Variants in EML2 observed in about 807,000 individuals in gnomAD.
The protein encoded by EML2 is EMAP like 2.
In EML2, 59 loss-of-function variants were observed where a neutral mutation model predicts 84.7. That is an observed-to-expected ratio of 0.70 (90% confidence interval 0.56 to 0.86). The LOEUF is 0.86. Among genes scored for constraint, EML2 ranks in the 40% least tolerant of loss-of-function variants. The probability of loss-of-function intolerance (pLI) is 0.00; values close to 1 mark genes in which losing one functional copy is unlikely to be tolerated. For synonymous variants in EML2, 352 were observed against 348.9 expected (o/e 1.01, Z -0.10); for missense variants, 818 against 855.6 (o/e 0.96, Z 0.55).
At chr19:45,642,601 G>C (rs1974655968), upstream of EML2, 3 of 1,181,578 alleles carry the variant, frequency 2.5e-6, no homozygotes, top group African/African-American at 1.6e-5. Context: ...CCTTGGGGAA[G>C]TCCCTTCCCT....
rs1389722504 is a variant in EML2, at chr19:45,614,775, C to G, written c.1598-75G>C. 6 of 1,262,918 alleles carry G rather than the reference C, an allele frequency of 4.8e-6. No homozygotes were observed. In the Admixed American group the frequency reaches 6.8e-5, roughly 14 times the overall value. The allele number at this position is 1,262,918 out of a possible 1,614,324, so 78.2% of individuals were successfully genotyped here. ...TAAACCCATCCCTTTCTTAGACAAT[C>G]GGAGCTGAGGTCCAAGACAGAGGAG... On this transcript the variant is annotated intron_variant, in intron 16 of 18. Coordinates refer to ENST00000245925, the MANE Select transcript of EML2 (RefSeq NM_012155.4).
At chr19:45,623,804 G>A (rs1971999730) in intron 9 of EML2, among the ~76,000 whole-genome samples, 1 of 152,146 alleles carries the variant, frequency 6.6e-6, no homozygotes. Context: ...GCCTGCCTCG[G>A]CTTCCCAAAG....
chr19:45,634,528 T>G, intron 3 of EML2, 57 bp from the exon 4 acceptor site: 1 of 1,247,594 alleles, frequency 8.0e-7, no homozygotes, highest in Non-Finnish European at 1.0e-6. Flanking sequence ...GTTTGTTTGT[T>G]TTGTTTTTAT....
chr19:45,618,351 A>G (rs2122641205), intron 12 of EML2, among the ~76,000 whole-genome samples: 1 of 151,974 alleles, frequency 6.6e-6, no homozygotes, highest in African/African-American at 2.4e-5. Flanking sequence ...CTGGGATTAC[A>G]GGTGTCAGCC....
At chr19:45,622,414 C>CTTTGT (rs887802246) in intron 9 of EML2, among the ~76,000 whole-genome samples, 20 of 152,062 alleles carry the variant, frequency 1.3e-4, no homozygotes, top group East Asian at 5.8e-4. Flanking sequence ...TTTTGTTTTG[C>CTTTGT]TTTGTTTTGT....
At chr19:45,644,227 G>A (rs1030801993), upstream of EML2, among the ~76,000 whole-genome samples, 1 of 152,168 alleles carries the variant, frequency 6.6e-6, no homozygotes, top group African/African-American at 2.4e-5. Context: ...TCTAGTAGTT[G>A]TAGTAGCATA....
In EML2 at chr19:45,630,003, T is replaced by C; in HGVS notation, c.554A>G (p.His185Arg). 1 of 1,611,736 alleles carries C rather than the reference T, an allele frequency of 6.2e-7. No homozygotes were observed. The highest frequency in any genetic ancestry group is 8.5e-7 in the Non-Finnish European group (1 of 1,179,276). Residue 185 changes from histidine (H) to arginine (R), a missense_variant, in exon 7 of 19, where the codon CAC becomes CGC. Coordinates refer to ENST00000245925, the MANE Select transcript of EML2 (RefSeq NM_012155.4). The stretch of plus-strand genomic sequence containing the variant: ...GGCCCAGTCCCACACCGAGAGCATG[T>C]GATCATTGGATTCATCCACTGCACA... ...LLCAVDESND[H>R]MLSVWDWAKE...
upstream of EML2, chr19:45,643,802 AGC>A: frequency 6.9e-7 from 1 of 1,453,086 alleles, no homozygotes; most frequent in Non-Finnish European, 9.1e-7. Flanking sequence ...CCCCCCACTC[AGC>A]GCCTCCCAGG....
intron 3 of EML2, among the ~76,000 whole-genome samples, chr19:45,636,459 C>G (rs1973738266): frequency 6.6e-6 from 1 of 152,072 alleles, no homozygotes; most frequent in Non-Finnish European, 1.5e-5. Flanking sequence ...TGTATCTCCT[C>G]CTCCAGGAAG....
At chr19:45,645,444 T>A, upstream of EML2, 1 of 1,422,884 alleles carries the variant, frequency 7.0e-7, no homozygotes, top group South Asian at 1.5e-5. Flanking sequence ...CGTTCCAGCA[T>A]CCCCAGCTCA....
rs753921524 is a variant in EML2 at position 45,629,990 on chromosome 19, C to T, written c.567G>A (p.Val189=). ...VDESNDHMLS[V]WDWAKETKVV... is the part of the protein sequence containing the mutation. Reference sequence around the variant, plus strand: ...CCTTGGTCTCCTTGGCCCAGTCCCACACCGAGAGCATGTGATCATTGGATT... The same window carrying T: ...CCTTGGTCTCCTTGGCCCAGTCCCATACCGAGAGCATGTGATCATTGGATT... The change falls in exon 7 of 19, where the codon GTG becomes GTA. Residue 189 remains valine (V), a synonymous_variant. Transcript: ENST00000245925. 2.5e-6 allele frequency: 4 copies of T among 1,613,588 alleles called. No homozygotes were observed. The highest frequency in any genetic ancestry group is 3.4e-6 in the Non-Finnish European group (4 of 1,179,786).
chr19:45,634,038 G>A (rs1007121553), intron 4 of EML2, among the ~76,000 whole-genome samples: 2 of 152,138 alleles, frequency 1.3e-5, no homozygotes, highest in African/African-American at 4.8e-5. Context: ...CGACCTCCTG[G>A]GTTCAAGTGA....
chr19:45,633,908 C>T (rs1433278948), intron 4 of EML2, among the ~76,000 whole-genome samples: 2 of 152,152 alleles, frequency 1.3e-5, no homozygotes, highest in Non-Finnish European at 2.9e-5. Flanking sequence ...CCTCGCTGCC[C>T]AGATTTTCAA....
At chr19:45,642,560 T>C, upstream of EML2, 11 of 1,362,820 alleles carry the variant, frequency 8.1e-6, no homozygotes, top group Non-Finnish European at 1.0e-5. Flanking sequence ...ATCCGCACAC[T>C]CCTCTCTGCC....
Position 45,616,165 on chromosome 19 carries a change from T to G in EML2, c.1510-276A>C, listed in dbSNP as rs1971036730. The G allele has an allele frequency of 1.0e-4, 55 of 533,408 alleles. No individual in the cohort carries two copies. In the South Asian group the frequency reaches 1.3e-3, roughly 12 times the overall value. 33.0% of individuals were successfully genotyped at this position (533,408 alleles called of 1,614,324 possible). A position where few individuals can be genotyped will look rare whatever the true frequency, so the allele number is the denominator to read the frequency against. ...GGGCTAGACACGGAGGAGCTGGCTT[T>G]GAATGTTGAGGGGCGGGGCTACACA... is the stretch of plus-strand genomic sequence containing the variant. On this transcript the variant is annotated intron_variant, in intron 15 of 18. Transcript: ENST00000245925.
chr19:45,614,835 C>T (rs755470509), intron 16 of EML2, 135 bp from the exon 17 acceptor site: 103 of 699,904 alleles, frequency 1.5e-4, no homozygotes, highest in Non-Finnish European at 2.3e-4. Flanking sequence ...CCTGTCAGGA[C>T]TGGCTGAGAA....
upstream of EML2, chr19:45,641,503 A>C (rs1974494728): frequency 2.4e-6 from 2 of 833,348 alleles, no homozygotes; most frequent in Admixed American, 4.9e-5. Flanking sequence ...TGGTCCCTCC[A>C]AGGCTCTGGC....
chr19:45,642,142 G>T (rs1974584009), upstream of EML2: 1 of 1,507,904 alleles, frequency 6.6e-7, no homozygotes, highest in Non-Finnish European at 8.8e-7. Flanking sequence ...ACCCGAGGCA[G>T]TGGTGCCTAA....
chr19:45,643,620 C>T, upstream of EML2: 1 of 1,536,170 alleles, frequency 6.5e-7, no homozygotes. Context: ...CCCTGGTTCC[C>T]AGCCTGGTGG....
Sources: allele counts gnomAD v4.1 joint callset (sites outside exome capture counted in the v4.1 genomes callset), GRCh38; gene constraint gnomAD v4.1.1; transcripts MANE v1.5; gene names NCBI Gene and HGNC (gene_info 2026-07-23, HGNC 2026-07-21).